Variants in LATS1 observed in about 807,000 individuals in gnomAD.
LATS1 encodes serine/threonine-protein kinase LATS1.
A neutral mutation model predicts 106.6 loss-of-function variants in LATS1; 25 were observed. The observed-to-expected ratio is 0.23, with a 90% CI of 0.17 to 0.33. The LOEUF (loss-of-function observed/expected upper bound fraction) is 0.33, where lower values mean the gene tolerates loss of function less well. LATS1 is among the 10% of genes least tolerant of loss of function. The pLI is 1.00. For synonymous variants in LATS1, 465 were observed against 455.6 expected (o/e 1.02, Z -0.26); for missense variants, 1,040 against 1,382.6 (o/e 0.75, Z 3.93).
At chr6:149,681,180 A>G (rs1306790889) in intron 4 of LATS1, among the ~76,000 whole-genome samples, 1 of 152,186 alleles carries the variant, frequency 6.6e-6, no homozygotes, top group Non-Finnish European at 1.5e-5. Context: ...TGAAAATATC[A>G]AAAAATAGAT....
At position 149,697,142 on chromosome 6, in the gene LATS1, C is replaced by G. The variant is rs749789517; in HGVS notation, c.349-1921G>C. The G allele has an allele frequency of 8.2e-6, 11 of 1,347,722 alleles. No individual in the cohort carries two copies. In the Admixed American group the frequency reaches 1.9e-4, roughly 23 times the overall value. 83.5% of individuals were successfully genotyped at this position (1,347,722 alleles called of 1,614,324 possible). A position where few individuals can be genotyped will look rare whatever the true frequency, so the allele number is the denominator to read the frequency against. ...AACGACATTTTTAAATGAGAAATGG[C>G]TTAGTAAGACTAATGGGTGAACAGG... On this transcript the variant is annotated intron_variant, in intron 2 of 7. Transcript: ENST00000543571.
Position 149,661,740 on chromosome 6 carries a change from C to G in LATS1, c.3382G>C (p.Val1128Leu). 1 of 1,560,876 alleles carries G rather than the reference C, an allele frequency of 6.4e-7. No individual in the cohort carries two copies. The highest frequency in any genetic ancestry group is 8.6e-7 in the Non-Finnish European group (1 of 1,156,980). The change falls in exon 8 of 8, where the codon GTA becomes CTA. Residue 1128 changes from valine to leucine, a missense_variant. Around this residue, in one of 7 missense-constraint regions of LATS1, gnomAD observed 46 missense variants for 42.4 expected, o/e 1.09. Transcript: ENST00000543571. ...TATTTACTAGTGTGTTAAACATATA[C>G]TAGATCGCGATTTTTAATCTCTGAG... ...TGSEIKNRDL[V>L]YV
chr6:149,708,414 CAAAAAAAAAAAA>C (rs58138010), intron 1 of LATS1, among the ~76,000 whole-genome samples: 1 of 104,234 alleles, frequency 9.6e-6, no homozygotes, highest in African/African-American at 3.5e-5. Flanking sequence ...GACTGGATCT[CAAAAAAAAAAAA>C]AAAAAAAATT....
rs1165460532 is a variant in LATS1, at chr6:149,661,965, C to T, written c.3157G>A (p.Glu1053Lys). The change falls in exon 8 of 8, where the codon GAG (glutamate) becomes AAG (lysine). Residue 1053 changes from glutamate to lysine, a missense_variant. By Grantham distance (56) the Glu-to-Lys change is moderately conservative. This residue lies in a region of LATS1 where 113 missense variants were observed against 146.3 expected (regional missense o/e 0.77). Transcript: ENST00000543571. ...AGAGTGTCATTTACATTTTCTTCCT[C>T]GTTATCATCACTCCATAATTTATCA... is the stretch of plus-strand genomic sequence containing the variant. ...DPDKLWSDDN[E>K]EENVNDTLNG... 3.7e-6 allele frequency: 6 copies of T among 1,613,912 alleles called. No homozygotes were observed. The highest frequency in any genetic ancestry group is 1.1e-5 in the South Asian group (1 of 91,074).
intron 3 of LATS1, among the ~76,000 whole-genome samples, chr6:149,692,651 T>G (rs146924477): frequency 1.4e-3 from 220 of 151,768 alleles, no homozygotes; most frequent in African/African-American, 5.2e-3. Context: ...AGCCCTCTTA[T>G]AAATCAATTC....
At position 149,684,493 on chromosome 6, in the gene LATS1, G is replaced by A; in HGVS notation, c.596C>T (p.Ala199Val). The A allele has an allele frequency of 6.2e-7, 1 of 1,614,000 alleles. No homozygotes were observed. The highest frequency in any genetic ancestry group is 8.5e-7 in the Non-Finnish European group (1 of 1,179,922). Residue 199 changes from alanine to valine, a missense_variant, in exon 4 of 8, where the codon GCC becomes GTC. By Grantham distance (64) the Ala-to-Val change is moderately conservative. Transcript: ENST00000543571. Reference protein sequence around the residue: ...RHGPPLGESVAYHSESPNSQT... With the variant: ...RHGPPLGESVVYHSESPNSQT... ...TGAGTTGGGACTCTCAGAATGATAG[G>A]CCACACTTTCTCCTAGTGGCGGGCC...
chr6:149,698,554 T>C (rs1489725582), intron 2 of LATS1, among the ~76,000 whole-genome samples: 1 of 142,790 alleles, frequency 7.0e-6, no homozygotes, highest in African/African-American at 2.5e-5. Context: ...CCAGAAGTCT[T>C]TTTTTTTTTT....
At chr6:149,663,393 G>A (rs755013460) in intron 7 of LATS1, among the ~76,000 whole-genome samples, 2 of 152,098 alleles carry the variant, frequency 1.3e-5, no homozygotes, top group Non-Finnish European at 2.9e-5. Flanking sequence ...AGGATGACCT[G>A]AGCCCAGGGA....
chr6:149,695,788 T>C (rs1783029453), intron 2 of LATS1, among the ~76,000 whole-genome samples: 1 of 152,208 alleles, frequency 6.6e-6, no homozygotes, highest in Non-Finnish European at 1.5e-5. Context: ...TAACGTCTTT[T>C]TTTAAAGTAT....
intron 4 of LATS1, 34 bp from the exon 5 acceptor site, chr6:149,680,491 A>G (rs1582868896): frequency 2.1e-6 from 3 of 1,397,816 alleles, no homozygotes; most frequent in African/African-American, 1.4e-5. Flanking sequence ...AATAAGAATT[A>G]TCTTCTTCAA....
intron 7 of LATS1, among the ~76,000 whole-genome samples, chr6:149,665,805 C>A (rs1371044368): frequency 6.6e-6 from 1 of 152,080 alleles, no homozygotes; most frequent in African/African-American, 2.4e-5. Flanking sequence ...CTGAACCCAA[C>A]CGGGTTTAAT....
chr6:149,685,302 T>C (rs1266369110), intron 3 of LATS1, among the ~76,000 whole-genome samples: 1 of 152,164 alleles, frequency 6.6e-6, no homozygotes, highest in Non-Finnish European at 1.5e-5. Context: ...TATTTGTAGA[T>C]AAATTATTAG....
At chr6:149,713,092 C>T (rs755359706) in intron 1 of LATS1, among the ~76,000 whole-genome samples, 11 of 152,062 alleles carry the variant, frequency 7.2e-5, no homozygotes, top group Non-Finnish European at 1.6e-4. Context: ...AAGATGTGTA[C>T]CTTCCAAAGA....
chr6:149,676,763 A>G (rs1323553467), intron 5 of LATS1, 26 bp from the exon 6 acceptor site: 1 of 1,588,328 alleles, frequency 6.3e-7, no homozygotes, highest in Non-Finnish European at 8.6e-7. Context: ...ATAAGTAAAT[A>G]AAGTCAACAA....
At chr6:149,688,895 C>T (rs1446715572) in intron 3 of LATS1, among the ~76,000 whole-genome samples, 16 of 152,202 alleles carry the variant, frequency 1.1e-4, no homozygotes, top group South Asian at 2.1e-4. Context: ...AGGCCAGGCG[C>T]GGTGGCTCAA....
intron 2 of LATS1, 73 bp downstream of exon 2, chr6:149,701,706 A>G (rs1261528072): frequency 9.2e-7 from 1 of 1,085,616 alleles, no homozygotes; most frequent in African/African-American, 1.6e-5. Context: ...ACATTTTGGC[A>G]TGTTATCACC....
intron 7 of LATS1, among the ~76,000 whole-genome samples, chr6:149,669,669 G>A (rs1781344229): frequency 6.6e-6 from 1 of 151,938 alleles, no homozygotes; most frequent in South Asian, 2.1e-4. Context: ...GATGACACGG[G>A]AGAATCTTGA....
intron 7 of LATS1, among the ~76,000 whole-genome samples, chr6:149,669,005 T>C (rs956460475): frequency 3.3e-5 from 5 of 151,858 alleles, no homozygotes; most frequent in African/African-American, 9.7e-5. Context: ...AATTTTTTTG[T>C]AGAGACAGGG....
At chr6:149,693,472 C>T (rs1455583326) in intron 3 of LATS1, among the ~76,000 whole-genome samples, 6 of 150,752 alleles carry the variant, frequency 4.0e-5, no homozygotes, top group Non-Finnish European at 7.4e-5. Flanking sequence ...TAGCTGGGCA[C>T]GGTGGCAGGT....
Sources: allele counts gnomAD v4.1 joint callset (sites outside exome capture counted in the v4.1 genomes callset), GRCh38; gene constraint gnomAD v4.1.1; regional missense constraint gnomAD v4.1.1; transcripts MANE v1.5; gene names NCBI Gene and HGNC (gene_info 2026-07-23, HGNC 2026-07-21).